KRIT1: variants seen among roughly 807,000 people sequenced by gnomAD.
KRIT1 encodes the protein krev interaction trapped protein 1.
In KRIT1, 45 loss-of-function variants were observed where a neutral mutation model predicts 95.8. The ratio of observed to expected loss-of-function variants is 0.47; its 90% CI spans 0.37 to 0.60. KRIT1 has a LOEUF of 0.60. Ranked by LOEUF, KRIT1 falls within the 20% of genes least tolerant of loss-of-function variation. The pLI is 0.00. For missense variants in KRIT1, 788 were observed against 877.5 expected, an observed-to-expected ratio of 0.90 and a Z score of 1.29; for synonymous variants, 282 against 278.8, an observed-to-expected ratio of 1.01 and a Z score of -0.11.
At position 92,213,391 on chromosome 7, in the gene KRIT1, G is replaced by A. The variant is rs140810405; in HGVS notation, c.1829C>T (p.Thr610Ile). 3.7e-6 allele frequency: 6 copies of A among 1,604,708 alleles called. No homozygotes were observed. The African/African-American group carries it at 6.7e-5, about 18-fold the overall frequency. Residue 610 changes from threonine to isoleucine, a missense_variant, in exon 17 of 19, where the codon ACA (threonine) becomes ATA (isoleucine). Physicochemically the swap from Thr to Ile is moderately conservative, Grantham distance 89. Around this residue, in one of 3 missense-constraint regions of KRIT1, gnomAD observed 493 missense variants for 582.3 expected, o/e 0.85. Transcript: ENST00000394505. ...RILHEYKNLS[T>I]SEGVSKEMHH... ...CATTTCTTTACTGACACCTTCACTTGTACTGAGATTCTAAAAACAAACAAG... is the reference window on the plus strand; with the variant it reads ...CATTTCTTTACTGACACCTTCACTTATACTGAGATTCTAAAAACAAACAAG...
Position 92,225,605 on chromosome 7 carries a change from T to C in KRIT1, c.1254+115A>G. ...ACCATACCTGGCCTACAATGAGGTT[T>C]TATAGCAGTAAAGAAGCCATCTAAT... On this transcript the variant is annotated intron_variant, in intron 12 of 18. Transcript: ENST00000394505. The C allele has an allele frequency of 7.0e-6, 5 of 717,226 alleles. No homozygotes were observed. The South Asian group carries it at 7.5e-5, about 11-fold the overall frequency. 44.4% of individuals were successfully genotyped at this position (717,226 alleles called of 1,614,324 possible). A position where few individuals can be genotyped will look rare whatever the true frequency, so the allele number is the denominator to read the frequency against.
rs1789769135 is a variant in KRIT1 at position 92,199,627 on chromosome 7, T to C, written c.*1109A>G. ...CAGCATGTATTTAACAAATGCAACT[T>C]CTAATATCAAGAGATTATCACTTAA... On this transcript the variant is annotated 3_prime_UTR_variant, in exon 19 of 19. Coordinates refer to ENST00000394505, the MANE Select transcript of KRIT1 (RefSeq NM_194454.3). The C allele has an allele frequency of 6.6e-6, 1 of 152,212 alleles. No homozygotes were observed. Among genetic ancestry groups the C allele is most frequent in the South Asian group, 2.1e-4 (1 of 4,826 alleles). The allele number at this position is 152,212 out of a possible 1,614,324, so 9.4% of individuals were successfully genotyped here. A position where few individuals can be genotyped will look rare whatever the true frequency, so the allele number is the denominator to read the frequency against.
intron 17 of KRIT1, among the ~76,000 whole-genome samples, chr7:92,204,739 G>T (rs1011014852): frequency 1.3e-5 from 2 of 152,126 alleles, no homozygotes; most frequent in African/African-American, 4.8e-5. Context: ...GATAGGGAGT[G>T]CTGTAAATAC....
rs547552513 is a variant in KRIT1 at position 92,237,259 on chromosome 7, T to C, written c.355+408A>G. Among the ~76,000 whole-genome samples the C allele has an allele frequency of 3.3e-5, 5 of 152,238 alleles. No individual in the cohort carries two copies. The South Asian group carries it at 1.0e-3, about 32-fold the overall frequency. The stretch of plus-strand genomic sequence containing the variant: ...TTAAAAATATTACTATTAGGCAGAG[T>C]ATATTAGAACTATTATTGATTCTTG... On this transcript the variant is annotated intron_variant, in intron 6 of 18. Transcript: ENST00000394505.
intron 17 of KRIT1, among the ~76,000 whole-genome samples, chr7:92,210,839 A>C (rs1007019403): frequency 1.3e-5 from 2 of 152,214 alleles, no homozygotes; most frequent in Non-Finnish European, 2.9e-5. Context: ...TCAACAGCAA[A>C]CAAACATATC....
intron 12 of KRIT1, among the ~76,000 whole-genome samples, chr7:92,224,001 A>C (rs1795695221): frequency 2.0e-5 from 3 of 152,240 alleles, no homozygotes; most frequent in African/African-American, 7.2e-5. Context: ...ATTGCAATGA[A>C]GTATAACATA....
chr7:92,241,740 C>T (rs986076102), intron 4 of KRIT1, among the ~76,000 whole-genome samples: 1 of 152,138 alleles, frequency 6.6e-6, no homozygotes, highest in Admixed American at 6.5e-5. Context: ...AGTGAGCTGA[C>T]TTTTGCAGTG....
At chr7:92,223,688 A>G (rs936823614) in intron 12 of KRIT1, among the ~76,000 whole-genome samples, 6 of 152,164 alleles carry the variant, frequency 3.9e-5, no homozygotes, top group Admixed American at 2.6e-4. Context: ...GGTCACATAT[A>G]ATACAACAGA....
chr7:92,200,790 T>C lies in KRIT1; in HGVS notation c.2157A>G (p.Val719=), dbSNP rs773890316. 1 of 1,605,426 alleles carries C rather than the reference T, an allele frequency of 6.2e-7. No individual in the cohort carries two copies. The highest frequency in any genetic ancestry group is 8.5e-7 in the Non-Finnish European group (1 of 1,172,120). The stretch of plus-strand genomic sequence containing the variant: ...GTCCATTTAGCTTCATTAACAGTTT[T>C]ACCACGAGACCAGCCTACAAAGTAA... The part of the protein sequence containing the change: ...IVHTKQAGLV[V]KLLMKLNGQL... The change falls in exon 19 of 19, where the codon GTA becomes GTG. Residue 719 remains valine (V), a synonymous_variant. Transcript: ENST00000394505.
chr7:92,226,327 T>A (rs1390117390), intron 11 of KRIT1, among the ~76,000 whole-genome samples, 199 bp downstream of exon 11: 1 of 152,070 alleles, frequency 6.6e-6, no homozygotes. Flanking sequence ...AAAAAAAATA[T>A]GTTCAAAAGC....
chr7:92,241,809 T>C (rs562433689), intron 4 of KRIT1, among the ~76,000 whole-genome samples: 3 of 152,282 alleles, frequency 2.0e-5, no homozygotes, highest in African/African-American at 7.2e-5. Flanking sequence ...CTATATATTG[T>C]AAGAAAAACT....
Position 92,228,531 on chromosome 7 carries a change from CTTACTCAGGTGATTTGTT to C in KRIT1, c.990-1867_990-1850del, listed in dbSNP as rs574011507. On this transcript the variant is annotated intron_variant, in intron 10 of 18. Coordinates refer to ENST00000394505, the MANE Select transcript of KRIT1 (RefSeq NM_194454.3). Reference sequence around the variant, plus strand: ...CAAATCAGACACTTTCATCCTACACCTTACTCAGGTGATTTGTTTTACTCAGGTGATTTGTTTTGCTCA... The same window carrying C: ...CAAATCAGACACTTTCATCCTACACCTTACTCAGGTGATTTGTTTTGCTCA... Among the ~76,000 whole-genome samples, 448 of 152,276 alleles carry C rather than the reference CTTACTCAGGTGATTTGTT, an allele frequency of 2.9e-3. 4 individuals are homozygous for C. The highest frequency in any genetic ancestry group is 0.01 in the African/African-American group (423 of 41,536).
chr7:92,239,012 G>A (rs530476860), intron 5 of KRIT1, among the ~76,000 whole-genome samples: 1 of 152,234 alleles, frequency 6.6e-6, no homozygotes, highest in African/African-American at 2.4e-5. Context: ...TTTATATAAG[G>A]AATCTTATTA....
chr7:92,226,813 G>A (rs1013395222), intron 10 of KRIT1, 131 bp from the exon 11 acceptor site: 6 of 773,108 alleles, frequency 7.8e-6, no homozygotes, highest in Non-Finnish European at 1.3e-5. Context: ...CTAGGACAGA[G>A]AGCAAAGGAT....
chr7:92,226,388 C>A (rs1009166086), intron 11 of KRIT1, 138 bp downstream of exon 11: 1 of 707,018 alleles, frequency 1.4e-6, no homozygotes, highest in African/African-American at 1.8e-5. Flanking sequence ...TCATATATTC[C>A]GTTACTTATT....
At chr7:92,234,065 C>G (rs186689650) in intron 10 of KRIT1, among the ~76,000 whole-genome samples, 204 of 152,286 alleles carry the variant, frequency 1.3e-3, no homozygotes, top group African/African-American at 4.6e-3. Flanking sequence ...AAGGTCAAAT[C>G]GTAAGTAGTT....
At chr7:92,221,818 A>T in intron 14 of KRIT1, 84 bp downstream of exon 14, 1 of 1,164,744 alleles carries the variant, frequency 8.6e-7, no homozygotes, top group Non-Finnish European at 1.3e-6. Flanking sequence ...GGATGTAAGC[A>T]CAATTTCTGC....
At chr7:92,211,561 C>G (rs910798511) in intron 17 of KRIT1, among the ~76,000 whole-genome samples, 1 of 152,014 alleles carries the variant, frequency 6.6e-6, no homozygotes, top group African/African-American at 2.4e-5. Flanking sequence ...TACAAACATA[C>G]AGTTAGATAG....
At chr7:92,244,757 A>C (rs1035578340) in intron 2 of KRIT1, 145 bp downstream of exon 2, 1 of 152,244 alleles carries the variant, frequency 6.6e-6, no homozygotes, top group Admixed American at 6.5e-5. Flanking sequence ...GTTCAAGTGA[A>C]TAAGTACAGG....
Sources: gnomAD v4.1 joint callset for allele counts (sites outside exome capture counted in the v4.1 genomes callset) on GRCh38, gnomAD v4.1.1 for gene constraint, gnomAD v4.1.1 regional missense constraint, MANE v1.5 for transcripts, NCBI Gene and HGNC (gene_info 2026-07-23, HGNC 2026-07-21) for gene names.